The following OR10D3 variants were observed in gnomAD, a reference collection of about 807,000 sequenced individuals.
The protein encoded by OR10D3 is olfactory receptor 10D3.
For missense variants in OR10D3, 286 were observed against 153.7 expected, an observed-to-expected ratio of 1.86 and a Z score of -4.55; for synonymous variants, 100 against 57.6, an observed-to-expected ratio of 1.74 and a Z score of -3.33.
intron 1 of OR10D3, 90 bp downstream of exon 1, chr11:124,183,473 TCTC>T (rs1316584395): frequency 6.6e-6 from 1 of 152,022 alleles, no homozygotes; most frequent in African/African-American, 2.4e-5. Context: ...TCTCTTTCTT[TCTC>T]TTTTTTTCTC....
intron 1 of OR10D3, among the ~76,000 whole-genome samples, chr11:124,184,465 C>G (rs2137697924): frequency 6.6e-6 from 1 of 152,014 alleles, no homozygotes; most frequent in East Asian, 1.9e-4. Context: ...GGAGGAGGAA[C>G]AACATTTTAA....
chr11:124,185,579 T>C (rs1861212319), exon 2 of OR10D3: 1 of 703,414 alleles, frequency 1.4e-6, no homozygotes, highest in African/African-American at 1.7e-5. Context: ...GCTTTTCTTC[T>C]TCCATTTCCT....
At chr11:124,186,170 A>C (rs1319851836) in exon 2 of OR10D3, 2 of 702,690 alleles carry the variant, frequency 2.8e-6, no homozygotes, top group Non-Finnish European at 5.2e-6. Context: ...AGCCCTGAAA[A>C]CAATATTGCA....
At chr11:124,185,816 G>A (rs962247993) in exon 2 of OR10D3, 4 of 703,558 alleles carry the variant, frequency 5.7e-6, no homozygotes, top group African/African-American at 1.7e-5. Flanking sequence ...TGACATTCCA[G>A]CACTGTTGCC....
chr11:124,186,423 G>A (rs1861226826), exon 2 of OR10D3: 2 of 374,208 alleles, frequency 5.3e-6, no homozygotes, highest in Non-Finnish European at 9.5e-6. Context: ...AAGTCATATA[G>A]TCTTGTTTAT....
chr11:124,187,735 T>A (rs1240391268), exon 2 of OR10D3: 2 of 152,234 alleles, frequency 1.3e-5, no homozygotes, highest in Non-Finnish European at 1.5e-5. Context: ...CTTAGTAGCC[T>A]CTTCACTCAT....
chr11:124,186,301 G>A, exon 2 of OR10D3: 1 of 612,814 alleles, frequency 1.6e-6, no homozygotes, highest in Non-Finnish European at 2.9e-6. Flanking sequence ...ACAATGACTT[G>A]GAATTTTCAG....
exon 2 of OR10D3, chr11:124,186,526 T>C (rs1403169227): frequency 5.5e-6 from 1 of 182,642 alleles, no homozygotes; most frequent in African/African-American, 2.4e-5. Flanking sequence ...GCATCACTTT[T>C]CTCAATTTAC....
chr11:124,185,552 A>G (rs1184044089), exon 2 of OR10D3: 1 of 703,356 alleles, frequency 1.4e-6, no homozygotes, highest in Non-Finnish European at 2.6e-6. Context: ...CATCTCCTAC[A>G]AAGACTGTGT....
At chr11:124,183,551 C>T (rs1310738667) in intron 1 of OR10D3, among the ~76,000 whole-genome samples, 168 bp downstream of exon 1, 1 of 127,594 alleles carries the variant, frequency 7.8e-6, no homozygotes, top group Non-Finnish European at 1.6e-5. Context: ...TCCTTCCCTC[C>T]TTCCCTCCTT....
chr11:124,185,055 A>C (rs1861203654), intron 1 of OR10D3, among the ~76,000 whole-genome samples: 1 of 152,216 alleles, frequency 6.6e-6, no homozygotes, highest in Non-Finnish European at 1.5e-5. Context: ...TATAACAAAA[A>C]TATTTGCTAC....
chr11:124,186,054 CCA>C lies in OR10D3; in HGVS notation c.789_790del (p.Pro264GlnfsTer29). 1 of 703,434 alleles carries C rather than the reference CCA, an allele frequency of 1.4e-6. No individual in the cohort carries two copies. Among genetic ancestry groups the C allele is most frequent in the Admixed American group, 2.0e-5 (1 of 50,022 alleles). The allele number at this position is 703,434 out of a possible 1,614,324, so 43.6% of individuals were successfully genotyped here. On this transcript the variant is annotated frameshift_variant, in exon 2 of 2. Transcript: ENST00000641351. LOFTEE classifies it low-confidence loss of function (END_TRUNC). Reference sequence around the variant, plus strand: ...CCCATCATCACTGTCTACCTGCAGCCCACACCCAACCCCATGCTGGGAACCGT... The same window carrying C: ...CCCATCATCACTGTCTACCTGCAGCCCACCCAACCCCATGCTGGGAACCGT...
At chr11:124,184,067 C>T (rs1861191927) in intron 1 of OR10D3, among the ~76,000 whole-genome samples, 1 of 152,168 alleles carries the variant, frequency 6.6e-6, no homozygotes, top group Admixed American at 6.5e-5. Flanking sequence ...TAGCACTTGT[C>T]TTGGGTCTGA....
At chr11:124,183,414 TTCTC>T (rs1250544302) in intron 1 of OR10D3, 31 bp downstream of exon 1, 2 of 80,530 alleles carry the variant, frequency 2.5e-5, no homozygotes, top group Admixed American at 2.5e-4. Context: ...CTTTGCCTCT[TTCTC>T]TCTCTTTCTT....
chr11:124,188,291 G>C (rs1259958508), exon 2 of OR10D3: 1 of 152,220 alleles, frequency 6.6e-6, no homozygotes, highest in Non-Finnish European at 1.5e-5. Context: ...TCTTCTTCCA[G>C]TAAAAAACAG....
chr11:124,185,844 C>T (rs754390890), exon 2 of OR10D3: 73 of 703,478 alleles, frequency 1.0e-4, no homozygotes, highest in Non-Finnish European at 1.4e-4. Flanking sequence ...TGTGCTGACA[C>T]ATCCTTAGCC....
exon 2 of OR10D3, chr11:124,186,322 A>C (rs1294743319): frequency 1.6e-6 from 1 of 606,990 alleles, no homozygotes; most frequent in African/African-American, 1.9e-5. Flanking sequence ...CACTGTGCTG[A>C]ATGATATGGA....
At chr11:124,183,886 G>T (rs78038885) in intron 1 of OR10D3, among the ~76,000 whole-genome samples, 3 of 152,082 alleles carry the variant, frequency 2.0e-5, no homozygotes, top group African/African-American at 7.2e-5. Flanking sequence ...TGGCCCATCA[G>T]CTCACAAACC....
intron 1 of OR10D3, among the ~76,000 whole-genome samples, chr11:124,184,883 C>T (rs565457834): frequency 3.1e-4 from 47 of 152,240 alleles, no homozygotes; most frequent in African/African-American, 1.0e-3. Flanking sequence ...GTTCATATCT[C>T]CAGTGATATA....
Sources: allele counts gnomAD v4.1 joint callset (sites outside exome capture counted in the v4.1 genomes callset), GRCh38; gene constraint gnomAD v4.1.1; transcripts MANE v1.5; gene names NCBI Gene and HGNC (gene_info 2026-07-23, HGNC 2026-07-21).